The following RBFOX1 variants were observed in gnomAD, a reference collection of about 807,000 sequenced individuals.
RBFOX1 encodes RNA binding fox-1 homolog 1.
RBFOX1 carries 8 observed loss-of-function variants against 57.7 expected under a neutral mutation model. The observed-to-expected ratio is 0.14, with a 90% CI of 0.08 to 0.25. RBFOX1 has a LOEUF of 0.25. Ranked by LOEUF, RBFOX1 falls within the 10% of genes least tolerant of loss-of-function variation. RBFOX1 has a pLI of 1.00. For synonymous variants in RBFOX1, 326 were observed against 222.4 expected, an observed-to-expected ratio of 1.47 and a Z score of -4.15; for missense variants, 611 against 548.5, an observed-to-expected ratio of 1.11 and a Z score of -1.14.
chr16:5,881,469 G>A (rs868537284), intron 4 of RBFOX1, among the ~76,000 whole-genome samples: 1 of 151,980 alleles, frequency 6.6e-6, no homozygotes. Flanking sequence ...CACTTGAGGT[G>A]AAGAGTTCGA....
At chr16:7,444,374 C>G (rs377290161) in intron 4 of RBFOX1, among the ~76,000 whole-genome samples, 1 of 152,004 alleles carries the variant, frequency 6.6e-6, no homozygotes, top group Admixed American at 6.6e-5. Context: ...ATGTTAGAGT[C>G]TAGAGATGGG....
intron 1 of RBFOX1, among the ~76,000 whole-genome samples, chr16:5,403,368 CA>C (rs1188182295): frequency 1.7e-5 from 2 of 116,314 alleles, no homozygotes; most frequent in East Asian, 2.5e-4. Context: ...AAAAAAAAAA[CA>C]AAAAACAAAC....
intron 3 of RBFOX1, among the ~76,000 whole-genome samples, chr16:6,949,032 T>G (rs1297450440): frequency 6.6e-6 from 1 of 152,164 alleles, no homozygotes; most frequent in African/African-American, 2.4e-5. Flanking sequence ...AATTCGACTC[T>G]ATGGAGTGTG....
chr16:6,404,142 A>G lies in RBFOX1; in HGVS notation c.-64+87085A>G, dbSNP rs77380917. 0.016 allele frequency among the ~76,000 whole-genome samples: 2,502 copies of G among 152,294 alleles called. 168 individuals are homozygous for G. The East Asian group carries it at 0.23, about 14-fold the overall frequency. On this transcript the variant is annotated intron_variant, in intron 2 of 15. Coordinates refer to ENST00000550418, the MANE Select transcript of RBFOX1 (RefSeq NM_018723.4). Reference sequence around the variant, plus strand: ...CAGATCGAAAAAATATATATTTTAAATTGCATCTATACTGAACATGAGCAG... The same window carrying G: ...CAGATCGAAAAAATATATATTTTAAGTTGCATCTATACTGAACATGAGCAG...
chr16:6,511,636 C>G (rs1423246593), intron 2 of RBFOX1, among the ~76,000 whole-genome samples: 1 of 152,114 alleles, frequency 6.6e-6, no homozygotes, highest in Non-Finnish European at 1.5e-5. Context: ...AAAGAGGGAG[C>G]TTTAATATTT....
intron 3 of RBFOX1, among the ~76,000 whole-genome samples, chr16:6,788,736 G>A (rs181868370): frequency 5.0e-4 from 74 of 148,098 alleles, no homozygotes; most frequent in African/African-American, 1.8e-3. Context: ...CGGCCTCCCA[G>A]AGTGCTGGGA....
chr16:6,008,607 T>A (rs1446600874), intron 4 of RBFOX1, among the ~76,000 whole-genome samples: 1 of 152,090 alleles, frequency 6.6e-6, no homozygotes, highest in Non-Finnish European at 1.5e-5. Flanking sequence ...AGCTTCAGCA[T>A]GTGTATATCC....
At chr16:5,306,125 C>T (rs112205516) in intron 1 of RBFOX1, among the ~76,000 whole-genome samples, 4,285 of 152,138 alleles carry the variant, frequency 0.028, 96 homozygotes, top group African/African-American at 0.065. Context: ...TGCTTGAGCC[C>T]AGGAGGTTGA....
intron 4 of RBFOX1, among the ~76,000 whole-genome samples, chr16:7,081,294 C>A (rs1245345479): frequency 6.6e-6 from 1 of 152,224 alleles, no homozygotes; most frequent in Admixed American, 6.5e-5. Flanking sequence ...CTTGGCCTCC[C>A]AAAGTGCTGG....
chr16:6,569,565 T>C (rs889091448), intron 2 of RBFOX1, among the ~76,000 whole-genome samples: 1 of 152,200 alleles, frequency 6.6e-6, no homozygotes, highest in Non-Finnish European at 1.5e-5. Flanking sequence ...TGGCAAGCTA[T>C]GAGCTGTAAT....
intron 4 of RBFOX1, among the ~76,000 whole-genome samples, chr16:7,423,483 G>A (rs2098566635): frequency 6.6e-6 from 1 of 152,060 alleles, no homozygotes; most frequent in South Asian, 2.1e-4. Context: ...GGGGAGATTT[G>A]GAAGGCTTTG....
intron 2 of RBFOX1, among the ~76,000 whole-genome samples, chr16:6,464,736 G>A (rs143430292): frequency 5.9e-5 from 9 of 152,242 alleles, no homozygotes; most frequent in African/African-American, 1.7e-4. Flanking sequence ...TATGGATTAC[G>A]GATCATATGC....
chr16:6,512,321 T>C (rs990615019), intron 2 of RBFOX1, among the ~76,000 whole-genome samples: 1 of 134,510 alleles, frequency 7.4e-6, no homozygotes, highest in African/African-American at 2.8e-5. Flanking sequence ...AAGAGATTTA[T>C]GCATGTATTT....
At chr16:5,930,414 GTGGATGGA>G (rs1291348577) in intron 4 of RBFOX1, among the ~76,000 whole-genome samples, 1 of 112,024 alleles carries the variant, frequency 8.9e-6, no homozygotes, top group Non-Finnish European at 1.8e-5. Context: ...AGGTGGGAGG[GTGGATGGA>G]TGGATGGATG....
At position 5,453,991 on chromosome 16, in the gene RBFOX1, G is replaced by C. The variant is rs373855603; in HGVS notation, c.220-13225G>C. On this transcript the variant is annotated intron_variant, in intron 1 of 2. Transcript: ENST00000585867. ...ATTCTAGGCAAAAGAAATTGAAAGA[G>C]GTTGGTGTGTTCCAGGAAGGGTGAC... 5.9e-5 allele frequency among the ~76,000 whole-genome samples: 9 copies of C among 152,308 alleles called. No homozygotes were observed. The East Asian group carries it at 1.4e-3, about 23-fold the overall frequency.
intron 4 of RBFOX1, among the ~76,000 whole-genome samples, chr16:7,296,360 A>T (rs1414670265): frequency 6.6e-6 from 1 of 151,096 alleles, no homozygotes; most frequent in African/African-American, 2.4e-5. Context: ...GTATGTATGA[A>T]TGTACTACCT....
chr16:6,220,252 AACAG>A lies in RBFOX1; in HGVS notation c.-126-96739_-126-96736del, dbSNP rs1440404168. Among the ~76,000 whole-genome samples the A allele has an allele frequency of 3.3e-5, 5 of 152,178 alleles. No homozygotes were observed. The South Asian group carries it at 1.0e-3, about 32-fold the overall frequency. ...CATTTATCGTCTATTTCTCCATACAAACAGACACACATAACATACATTTACTTTC... is the reference window on the plus strand; with the variant it reads ...CATTTATCGTCTATTTCTCCATACAAACACACATAACATACATTTACTTTC... On this transcript the variant is annotated intron_variant, in intron 1 of 15. Transcript: ENST00000550418.
chr16:6,011,746 G>A (rs938507189), intron 4 of RBFOX1, among the ~76,000 whole-genome samples: 3 of 152,166 alleles, frequency 2.0e-5, no homozygotes, highest in African/African-American at 7.2e-5. Flanking sequence ...GAGCAAAGCT[G>A]GTGACCACTT....
chr16:6,687,342 C>T (rs1315413672), intron 3 of RBFOX1, among the ~76,000 whole-genome samples: 4 of 152,122 alleles, frequency 2.6e-5, no homozygotes, highest in Admixed American at 2.0e-4. Flanking sequence ...GTACAATGTA[C>T]ACTACTTGCG....
Sources: allele counts gnomAD v4.1 joint callset (sites outside exome capture counted in the v4.1 genomes callset), GRCh38; gene constraint gnomAD v4.1.1; transcripts MANE v1.5; gene names NCBI Gene and HGNC (gene_info 2026-07-23, HGNC 2026-07-21).